NELL1: variants seen among roughly 807,000 people sequenced by gnomAD.
NELL1 encodes protein kinase C-binding protein NELL1.
A neutral mutation model predicts 107.4 loss-of-function variants in NELL1; 76 were observed. The ratio of observed to expected loss-of-function variants is 0.71; its 90% confidence interval spans 0.59 to 0.86. The LOEUF (loss-of-function observed/expected upper bound fraction) is 0.86. Ranked by LOEUF, NELL1 falls within the 40% of genes least tolerant of loss-of-function variation. The probability of loss-of-function intolerance (pLI) is 0.00; values close to 1 mark genes in which losing one functional copy is unlikely to be tolerated. For missense variants in NELL1, 1,024 were observed against 1,005.5 expected, an observed-to-expected ratio of 1.02 and a Z score of -0.25; for synonymous variants, 353 against 341.2, an observed-to-expected ratio of 1.03 and a Z score of -0.38.
chr11:21,170,895 A>T (rs1856593562), intron 13 of NELL1, among the ~76,000 whole-genome samples: 1 of 151,608 alleles, frequency 6.6e-6, no homozygotes, highest in South Asian at 2.1e-4. Context: ...CTAACATGTT[A>T]TCTATCATTT....
intron 15 of NELL1, among the ~76,000 whole-genome samples, chr11:21,405,321 T>C (rs1355070766): frequency 6.6e-6 from 1 of 152,054 alleles, no homozygotes; most frequent in Non-Finnish European, 1.5e-5. Context: ...TTGTAAAGAA[T>C]ATAAGAGTAT....
chr11:21,361,687 C>CT (rs1851079881), intron 14 of NELL1, among the ~76,000 whole-genome samples: 1 of 152,008 alleles, frequency 6.6e-6, no homozygotes, highest in Non-Finnish European at 1.5e-5. Flanking sequence ...TGTTTTTATT[C>CT]TTTTTTCTTT....
At chr11:21,535,250 C>T (rs904366040) in intron 16 of NELL1, among the ~76,000 whole-genome samples, 10 of 152,240 alleles carry the variant, frequency 6.6e-5, no homozygotes, top group Non-Finnish European at 1.5e-4. Flanking sequence ...ATAACTGTTT[C>T]CATGAGAACC....
chr11:21,304,575 T>TC (rs1041200564), intron 14 of NELL1, among the ~76,000 whole-genome samples: 2 of 146,032 alleles, frequency 1.4e-5, no homozygotes, highest in African/African-American at 2.6e-5. Context: ...TCTGTTTTTT[T>TC]TTTTCTCTCT....
At chr11:20,943,916 T>A (rs1261610918) in intron 10 of NELL1, among the ~76,000 whole-genome samples, 22 of 152,212 alleles carry the variant, frequency 1.4e-4, no homozygotes, top group Non-Finnish European at 1.5e-5. Flanking sequence ...ATTGATTCCC[T>A]TGATAAAGGT....
chr11:21,480,493 A>G (rs939967458), intron 15 of NELL1, among the ~76,000 whole-genome samples: 3 of 152,220 alleles, frequency 2.0e-5, no homozygotes, highest in Admixed American at 1.3e-4. Flanking sequence ...TAGGCTGTTC[A>G]TTCAGCTTCA....
At chr11:20,808,806 A>G (rs2134010684) in intron 3 of NELL1, among the ~76,000 whole-genome samples, 1 of 152,254 alleles carries the variant, frequency 6.6e-6, no homozygotes, top group Admixed American at 6.5e-5. Context: ...TCCCACAATC[A>G]TTGTACTCCC....
intron 15 of NELL1, among the ~76,000 whole-genome samples, chr11:21,460,140 A>G (rs752623556): frequency 6.6e-6 from 1 of 152,090 alleles, no homozygotes; most frequent in Non-Finnish European, 1.5e-5. Flanking sequence ...AGAGAGTATA[A>G]TGGAAAGTAT....
intron 13 of NELL1, among the ~76,000 whole-genome samples, chr11:21,211,299 T>C (rs1169015223): frequency 6.6e-6 from 1 of 151,984 alleles, no homozygotes; most frequent in African/African-American, 2.4e-5. Context: ...GGGAAGAGCA[T>C]ATGAAAATGC....
chr11:20,672,530 A>G (rs1269697261), intron 1 of NELL1, among the ~76,000 whole-genome samples: 2 of 152,246 alleles, frequency 1.3e-5, no homozygotes, highest in Non-Finnish European at 2.9e-5. Flanking sequence ...CTTGTTTTAG[A>G]GTGCAAAGTG....
At chr11:20,735,080 G>T (rs546774784) in intron 2 of NELL1, among the ~76,000 whole-genome samples, 1 of 152,182 alleles carries the variant, frequency 6.6e-6, no homozygotes, top group Admixed American at 6.5e-5. Flanking sequence ...AGAAGAAGGA[G>T]CCAGCAAAGG....
At chr11:21,271,207 A>G (rs2133934758) in intron 14 of NELL1, among the ~76,000 whole-genome samples, 1 of 152,236 alleles carries the variant, frequency 6.6e-6, no homozygotes, top group East Asian at 1.9e-4. Context: ...AATAAAACCT[A>G]GTTCTTTGAA....
chr11:20,714,527 T>C lies in NELL1; in HGVS notation c.184+36467T>C, dbSNP rs760805451. Among the ~76,000 whole-genome samples, 104 of 12,314 alleles carry C rather than the reference T, an allele frequency of 8.4e-3. No individual in the cohort carries two copies. In the Non-Finnish European group the frequency reaches 0.099, roughly 12 times the overall value. The allele number at this position is 12,314 out of a possible 152,430, so 8.1% of individuals were successfully genotyped here. On this transcript the variant is annotated intron_variant, in intron 2 of 19. Coordinates refer to ENST00000357134, the MANE Select transcript of NELL1 (RefSeq NM_006157.5). ...CTGGCCCTGATGTGTTTTTTTATTT[T>C]TAATTTTTTTTTGAGGCAGGGTCTC...
chr11:21,192,875 A>G (rs1857076362), intron 13 of NELL1, among the ~76,000 whole-genome samples: 1 of 151,850 alleles, frequency 6.6e-6, no homozygotes, highest in South Asian at 2.1e-4. Flanking sequence ...CTTACCACAA[A>G]ATGTGCTCAT....
At chr11:21,426,336 A>G (rs1019994878) in intron 15 of NELL1, among the ~76,000 whole-genome samples, 1 of 152,230 alleles carries the variant, frequency 6.6e-6, no homozygotes, top group Admixed American at 6.5e-5. Context: ...ACCCTGATAC[A>G]ATACTTGACA....
chr11:21,108,557 G>T (rs1233031121), intron 12 of NELL1, among the ~76,000 whole-genome samples: 3 of 152,120 alleles, frequency 2.0e-5, no homozygotes, highest in Non-Finnish European at 4.4e-5. Flanking sequence ...TTATACTCAA[G>T]ATGATATATG....
intron 14 of NELL1, among the ~76,000 whole-genome samples, chr11:21,341,808 G>T (rs1288266294): frequency 6.6e-6 from 1 of 152,194 alleles, no homozygotes; most frequent in Non-Finnish European, 1.5e-5. Flanking sequence ...TAGAGCCTTA[G>T]AGCTTTTAGA....
chr11:21,167,568 A>G (rs1028792867), intron 13 of NELL1, among the ~76,000 whole-genome samples: 6 of 151,888 alleles, frequency 4.0e-5, no homozygotes, highest in African/African-American at 1.5e-4. Context: ...CCTCCTAATC[A>G]TGAGGATCAG....
rs144400832 is a variant in NELL1 at position 21,084,551 on chromosome 11, G to A, written c.1301-29038G>A. Among the ~76,000 whole-genome samples the A allele has an allele frequency of 3.8e-3, 577 of 152,206 alleles. 4 individuals are homozygous for A. Among genetic ancestry groups the A allele is most frequent in the African/African-American group, 0.013 (531 of 41,532 alleles). On this transcript the variant is annotated intron_variant, in intron 12 of 19. Coordinates refer to ENST00000357134, the MANE Select transcript of NELL1 (RefSeq NM_006157.5). ...ATGAGAGTCTCGCTCTCCACATTAC[G>A]ATCAAGGACTTCTCTGGCCCTGGGT... is the stretch of plus-strand genomic sequence containing the variant.
Sources: gnomAD v4.1 joint callset for allele counts (sites outside exome capture counted in the v4.1 genomes callset) on GRCh38, gnomAD v4.1.1 for gene constraint, MANE v1.5 for transcripts, NCBI Gene and HGNC (gene_info 2026-07-23, HGNC 2026-07-21) for gene names.